SPOCK3: variants seen among roughly 807,000 people sequenced by gnomAD.
SPOCK3 encodes the protein SPARC (osteonectin), cwcv and kazal like domains proteoglycan 3, also known as testican-3.
Under a neutral mutation model 56.6 loss-of-function variants are expected in SPOCK3, and 30 were observed. The observed-to-expected ratio is 0.53, with a 90% CI of 0.40 to 0.72. The LOEUF is 0.72. Ranked by LOEUF, SPOCK3 falls within the 30% of genes least tolerant of loss-of-function variation. The pLI is 0.00. For missense variants in SPOCK3, 527 were observed against 530.0 expected, an observed-to-expected ratio of 0.99 and a Z score of 0.06; for synonymous variants, 196 against 183.3, an observed-to-expected ratio of 1.07 and a Z score of -0.56.
At chr4:167,177,922 T>G (rs1191715836) in intron 2 of SPOCK3, among the ~76,000 whole-genome samples, 2 of 152,154 alleles carry the variant, frequency 1.3e-5, no homozygotes, top group South Asian at 4.1e-4. Context: ...TTTCAAGTTC[T>G]TTTTCCAAAT....
intron 3 of SPOCK3, among the ~76,000 whole-genome samples, chr4:167,053,797 G>A (rs898929891): frequency 1.3e-5 from 2 of 152,030 alleles, no homozygotes; most frequent in African/African-American, 2.4e-5. Flanking sequence ...TAAGAAGAAA[G>A]CACACAATGA....
At chr4:166,838,130 C>T (rs751889652) in intron 6 of SPOCK3, among the ~76,000 whole-genome samples, 39 of 152,096 alleles carry the variant, frequency 2.6e-4, no homozygotes, top group Non-Finnish European at 4.9e-4. Flanking sequence ...AGAAGTTTGA[C>T]TTTGATTTGT....
At chr4:166,871,442 A>G (rs2126946412) in intron 6 of SPOCK3, among the ~76,000 whole-genome samples, 1 of 152,232 alleles carries the variant, frequency 6.6e-6, no homozygotes, top group South Asian at 2.1e-4. Flanking sequence ...ATGCTCATAA[A>G]TTTGATAATT....
chr4:167,221,468 G>C (rs181325739), intron 2 of SPOCK3, among the ~76,000 whole-genome samples: 1 of 152,180 alleles, frequency 6.6e-6, no homozygotes, highest in African/African-American at 2.4e-5. Context: ...AAAAAAACAT[G>C]GTCTTTAGAG....
chr4:167,139,675 A>G (rs920426605), intron 2 of SPOCK3, among the ~76,000 whole-genome samples: 1 of 152,026 alleles, frequency 6.6e-6, no homozygotes, highest in Non-Finnish European at 1.5e-5. Context: ...AATGGCTCAT[A>G]TTTTCACAAG....
intron 6 of SPOCK3, among the ~76,000 whole-genome samples, chr4:166,817,814 G>A (rs186687699): frequency 6.6e-6 from 1 of 152,024 alleles, no homozygotes; most frequent in Non-Finnish European, 1.5e-5. Context: ...TTCAGGAGGA[G>A]GAGTGGATTA....
intron 4 of SPOCK3, among the ~76,000 whole-genome samples, chr4:166,944,285 T>A (rs558821064): frequency 6.6e-6 from 1 of 152,280 alleles, no homozygotes; most frequent in Non-Finnish European, 1.5e-5. Flanking sequence ...TGACATGATA[T>A]TCTATCATTC....
chr4:166,853,901 G>C (rs1265071110), intron 6 of SPOCK3, among the ~76,000 whole-genome samples: 2 of 151,330 alleles, frequency 1.3e-5, no homozygotes, highest in Non-Finnish European at 2.9e-5. Flanking sequence ...AAGAAAAAAA[G>C]ATGGTCTCCA....
chr4:166,767,323 T>C (rs186078973), intron 7 of SPOCK3, among the ~76,000 whole-genome samples: 88 of 138,020 alleles, frequency 6.4e-4, no homozygotes, highest in African/African-American at 1.9e-3. Context: ...CTTGTGGGCA[T>C]TTAGTGCTAT....
At chr4:166,835,408 T>G (rs1016840249) in intron 6 of SPOCK3, among the ~76,000 whole-genome samples, 2 of 152,084 alleles carry the variant, frequency 1.3e-5, no homozygotes, top group Non-Finnish European at 2.9e-5. Context: ...ACAAAACAAA[T>G]CCTTTATTTT....
At chr4:166,992,058 T>C (rs557983795) in intron 4 of SPOCK3, among the ~76,000 whole-genome samples, 13 of 152,220 alleles carry the variant, frequency 8.5e-5, no homozygotes, top group African/African-American at 3.1e-4. Flanking sequence ...TTCAAAGAAA[T>C]GAGATAAAAT....
intron 2 of SPOCK3, among the ~76,000 whole-genome samples, chr4:167,233,559 C>G (rs1737404004): frequency 6.6e-6 from 1 of 152,128 alleles, no homozygotes; most frequent in Non-Finnish European, 1.5e-5. Flanking sequence ...CCTACCTCCT[C>G]CCTCAAATTC....
chr4:166,984,219 C>T (rs1746892897), intron 4 of SPOCK3, among the ~76,000 whole-genome samples: 1 of 151,860 alleles, frequency 6.6e-6, no homozygotes, highest in Non-Finnish European at 1.5e-5. Context: ...ATATTTTCCT[C>T]AATAGTTTAT....
chr4:166,799,722 T>A (rs1252679131), intron 6 of SPOCK3, among the ~76,000 whole-genome samples: 1 of 152,078 alleles, frequency 6.6e-6, no homozygotes, highest in African/African-American at 2.4e-5. Context: ...AAGTCATTCC[T>A]GAGAAATTGA....
chr4:167,162,851 A>T (rs1227935667), intron 2 of SPOCK3, among the ~76,000 whole-genome samples: 1 of 152,042 alleles, frequency 6.6e-6, no homozygotes, highest in Non-Finnish European at 1.5e-5. Flanking sequence ...ATCATACTAA[A>T]TTAAGTTTAG....
At chr4:167,049,751 A>G (rs188142786) in intron 3 of SPOCK3, among the ~76,000 whole-genome samples, 1 of 152,280 alleles carries the variant, frequency 6.6e-6, no homozygotes, top group East Asian at 1.9e-4. Context: ...AAATTAGAAT[A>G]CAAGTTACAA....
intron 2 of SPOCK3, among the ~76,000 whole-genome samples, chr4:167,156,749 C>T (rs1166309624): frequency 2.0e-5 from 3 of 152,048 alleles, no homozygotes; most frequent in Non-Finnish European, 4.4e-5. Flanking sequence ...ATGCCAATCC[C>T]ATGGTAAGCA....
intron 2 of SPOCK3, among the ~76,000 whole-genome samples, chr4:167,081,947 C>T (rs967287529): frequency 1.3e-5 from 2 of 152,002 alleles, no homozygotes; most frequent in Admixed American, 6.6e-5. Context: ...AGCTGTAGTA[C>T]AGTTTTGTTC....
rs1464584224 is a variant in SPOCK3 at position 166,947,960 on chromosome 4, C to T, written c.351-35217G>A. 2.6e-5 allele frequency among the ~76,000 whole-genome samples: 4 copies of T among 152,258 alleles called. No individual in the cohort carries two copies. The East Asian group carries it at 5.8e-4, about 22-fold the overall frequency. ...CCTACTGGGTATTACAACACCAGAA[C>T]TTATTTCTCCCAACTAACTGTAACT... On this transcript the variant is annotated intron_variant, in intron 4 of 10. Transcript: ENST00000357545.
Sources: allele counts gnomAD v4.1 joint callset (sites outside exome capture counted in the v4.1 genomes callset), GRCh38; gene constraint gnomAD v4.1.1; transcripts MANE v1.5; gene names NCBI Gene and HGNC (gene_info 2026-07-23, HGNC 2026-07-21).